ITGA5: variants seen among roughly 807,000 people sequenced by gnomAD.
ITGA5 encodes the protein integrin subunit alpha 5, also known as integrin alpha-5.
In ITGA5, 55 loss-of-function variants were observed where a neutral mutation model predicts 146.3. The observed-to-expected ratio is 0.38, with a 90% confidence interval of 0.30 to 0.47. The LOEUF (loss-of-function observed/expected upper bound fraction) is 0.47, where lower values mean the gene tolerates loss of function less well. Ranked by LOEUF, ITGA5 falls within the 20% of genes least tolerant of loss-of-function variation. The pLI is 0.99. For synonymous variants in ITGA5, 500 were observed against 531.8 expected, an observed-to-expected ratio of 0.94 and a Z score of 0.82; for missense variants, 1,131 against 1,329.0, an observed-to-expected ratio of 0.85 and a Z score of 2.32.
intron 11 of ITGA5, 114 bp downstream of exon 11, chr12:54,405,550 G>C: frequency 9.2e-7 from 1 of 1,089,768 alleles, no homozygotes; most frequent in South Asian, 1.4e-5. Flanking sequence ...AGGTATGAGC[G>C]AGAGTCTAGA....
At position 54,405,924 on chromosome 12, in the gene ITGA5, G is replaced by A. The variant is rs1198325403; in HGVS notation, c.909C>T (p.Val303=). 1.1e-5 allele frequency: 17 copies of A among 1,613,572 alleles called. No individual in the cohort carries two copies. In the Admixed American group the frequency reaches 1.2e-4, roughly 11 times the overall value. Residue 303 remains valine, a splice_region_variant and synonymous_variant, in exon 10 of 30, where the codon GTC becomes GTT. Coordinates refer to ENST00000293379, the MANE Select transcript of ITGA5 (RefSeq NM_002205.5). The part of the protein sequence containing the change: ...VPKGNLTYGY[V]TILNGSDIRS... ...GAATGTCTGAGCCATTAAGGATGGT[G>A]ACCTGGGAGATGAAGAGATAGGCCC... is the stretch of plus-strand genomic sequence containing the variant.
At chr12:54,410,645 C>T (rs1453738628) in intron 2 of ITGA5, among the ~76,000 whole-genome samples, 2 of 151,336 alleles carry the variant, frequency 1.3e-5, no homozygotes, top group South Asian at 2.1e-4. Flanking sequence ...GCTGCAGTGA[C>T]GGAGAATCAC....
chr12:54,396,519 T>A, intron 29 of ITGA5, 143 bp from the exon 30 acceptor site: 1 of 665,932 alleles, frequency 1.5e-6, no homozygotes, highest in Non-Finnish European at 2.7e-6. Context: ...AGGCTAGGAC[T>A]ACCCCTCTAA....
chr12:54,413,504 T>C (rs2120566578), intron 1 of ITGA5: 1 of 152,408 alleles, frequency 6.6e-6, no homozygotes, highest in East Asian at 1.9e-4. Context: ...GCTTCCTGTC[T>C]GTTTCCAACC....
chr12:54,408,154 A>C lies in ITGA5; in HGVS notation c.773T>G (p.Leu258Arg), dbSNP rs748317329. The C allele has an allele frequency of 1.2e-6, 2 of 1,614,194 alleles. No homozygotes were observed. The highest frequency in any genetic ancestry group is 2.2e-5 in the South Asian group (2 of 91,078). Residue 258 changes from leucine (L) to arginine (R), a missense_variant, in exon 7 of 30, where the codon CTG (leucine) becomes CGG (arginine). Coordinates refer to ENST00000293379, the MANE Select transcript of ITGA5 (RefSeq NM_002205.5). ...EYLINLVQGQ[L>R]QTRQASSIYD... ...GATGGAACTGGCCTGGCGAGTCTGC[A>C]GCTGCCCCTGAACCAGGTTGATCAG... is the stretch of plus-strand genomic sequence containing the variant.
intron 1 of ITGA5, among the ~76,000 whole-genome samples, chr12:54,415,228 T>C (rs931082532): frequency 6.6e-6 from 1 of 152,238 alleles, no homozygotes; most frequent in Non-Finnish European, 1.5e-5. Flanking sequence ...GCAGGTACAC[T>C]TTTCTGAAAT....
At chr12:54,411,069 C>T (rs1955938279) in intron 2 of ITGA5, among the ~76,000 whole-genome samples, 3 of 152,076 alleles carry the variant, frequency 2.0e-5, no homozygotes, top group African/African-American at 7.2e-5. Flanking sequence ...ACTATGTTGG[C>T]CAGGATGGTC....
Position 54,409,435 on chromosome 12 carries a change from C to T in ITGA5, c.462+50G>A, listed in dbSNP as rs1565643295. The T allele has an allele frequency of 1.2e-6, 2 of 1,610,560 alleles. No homozygotes were observed. The highest frequency in any genetic ancestry group is 1.3e-5 in the African/African-American group (1 of 74,896). Reference sequence around the variant, plus strand: ...TCCCTCCAGGCCCGGCCTTACCCAACCACTGCCCATCCCCTGGCCACCACA... The same window carrying T: ...TCCCTCCAGGCCCGGCCTTACCCAATCACTGCCCATCCCCTGGCCACCACA... On this transcript the variant is annotated intron_variant, in intron 3 of 29. Transcript: ENST00000293379. The surrounding 1 kb of genome is among the most constrained non-coding windows in gnomAD (Gnocchi z 4.7).
In ITGA5 at chr12:54,401,325, C is replaced by T; in HGVS notation, c.2493+48G>A. ...TCCAGCCATCTGTCACTCATATTAG[C>T]TCCTCCTTTCCCATCATTCATTCTG... On this transcript the variant is annotated intron_variant, in intron 24 of 29. Transcript: ENST00000293379. This position sits in a 1 kb window ranked among gnomAD's most constrained non-coding sequence, Gnocchi z 5.0. 3.0e-6 allele frequency: 4 copies of T among 1,336,596 alleles called. No individual in the cohort carries two copies. The highest frequency in any genetic ancestry group is 1.2e-5 in the South Asian group (1 of 85,370). The allele number at this position is 1,336,596 out of a possible 1,614,324, so 82.8% of individuals were successfully genotyped here.
At chr12:54,399,561 G>T in intron 27 of ITGA5, 84 bp downstream of exon 27, 1 of 929,168 alleles carries the variant, frequency 1.1e-6, no homozygotes, top group Non-Finnish European at 1.8e-6. Flanking sequence ...CAAAGGAGAG[G>T]TGGCTACTGC....
rs1414664682 is a variant in ITGA5, at chr12:54,408,267, G to A, written c.692-32C>T. 6 of 1,611,888 alleles carry A rather than the reference G, an allele frequency of 3.7e-6. No individual in the cohort carries two copies. The Admixed American group carries it at 5.0e-5, about 13-fold the overall frequency. ...AGAGTATGAAGAGGGAGTAGATGGA[G>A]AGGAAGTGGCAGAGGGGGCTTGGGA... is the stretch of plus-strand genomic sequence containing the variant. On this transcript the variant is annotated intron_variant, in intron 6 of 29. Coordinates refer to ENST00000293379, the MANE Select transcript of ITGA5 (RefSeq NM_002205.5).
rs1955785584 is a variant in ITGA5 at position 54,401,674 on chromosome 12, T to G, written c.2307-9A>C. The G allele has an allele frequency of 1.2e-6, 2 of 1,614,094 alleles. No individual in the cohort carries two copies. The highest frequency in any genetic ancestry group is 2.7e-5 in the African/African-American group (2 of 75,030). On this transcript the variant is annotated splice_polypyrimidine_tract_variant and intron_variant, in intron 22 of 29. Transcript: ENST00000293379. The surrounding 1 kb of genome is among the most constrained non-coding windows in gnomAD (Gnocchi z 5.0). Reference sequence around the variant, plus strand: ...AGTTGTTGAGATTCTTGCTGTGGGATGGAGGCAAGACTGAGGTGCTGGAGT... The same window carrying G: ...AGTTGTTGAGATTCTTGCTGTGGGAGGGAGGCAAGACTGAGGTGCTGGAGT...
intron 7 of ITGA5, 113 bp from the exon 8 acceptor site, chr12:54,407,989 A>G: frequency 1.3e-6 from 2 of 1,521,044 alleles, no homozygotes; most frequent in African/African-American, 1.4e-5. Flanking sequence ...CAGCAGGCAC[A>G]TGACAAGTAT....
chr12:54,403,197 A>G lies in ITGA5; in HGVS notation c.1904T>C (p.Ile635Thr). ...CTGCCCTGTCCTCACCTTGTCCTCT[A>G]TCCGGCTCTTGCTCTGATAATGTAG... ...PALHYQSKSR[I>T]EDKAQILLDC... The change falls in exon 18 of 30, where the codon ATA becomes ACA. Residue 635 changes from isoleucine to threonine, a missense_variant. Physicochemically the swap from Ile to Thr is moderately conservative, Grantham distance 89. This residue lies in a region of ITGA5 where 889 missense variants were observed against 1,021.5 expected (regional missense o/e 0.87). Transcript: ENST00000293379. The surrounding 1 kb of genome is among the most constrained non-coding windows in gnomAD (Gnocchi z 4.9). 6.4e-7 allele frequency: 1 copy of G among 1,559,598 alleles called. No individual in the cohort carries two copies. Among genetic ancestry groups the G allele is most frequent in the Non-Finnish European group, 8.7e-7 (1 of 1,154,144 alleles).
chr12:54,406,076 T>G, intron 9 of ITGA5, 150 bp from the exon 10 acceptor site: 1 of 690,826 alleles, frequency 1.4e-6, no homozygotes, highest in South Asian at 1.6e-5. Flanking sequence ...GCCCTCATAT[T>G]CCCACCTCTA....
Position 54,407,712 on chromosome 12 carries a change from T to G in ITGA5, c.863-20A>C, listed in dbSNP as rs903542167. 6 of 1,613,084 alleles carry G rather than the reference T, an allele frequency of 3.7e-6. No individual in the cohort carries two copies. The highest frequency in any genetic ancestry group is 5.1e-6 in the Non-Finnish European group (6 of 1,179,154). The stretch of plus-strand genomic sequence containing the variant: ...CAAAGTCTGCAAAGAGAAGAGAAAG[T>G]TGTGACCTAAGGGTGGGGAAAGGGA... On this transcript the variant is annotated intron_variant, in intron 8 of 29. Transcript: ENST00000293379.
intron 19 of ITGA5, among the ~76,000 whole-genome samples, chr12:54,402,638 T>A (rs993094579): frequency 6.6e-6 from 1 of 151,402 alleles, no homozygotes; most frequent in African/African-American, 2.4e-5. Flanking sequence ...AGGCGGAGGT[T>A]GCAGTGAGCC....
At chr12:54,417,978 C>T (rs1956028084) in intron 1 of ITGA5, among the ~76,000 whole-genome samples, 2 of 152,134 alleles carry the variant, frequency 1.3e-5, no homozygotes, top group African/African-American at 4.8e-5. Flanking sequence ...ACTCGGGGTC[C>T]GGGTCTGCTT....
intron 1 of ITGA5, among the ~76,000 whole-genome samples, chr12:54,413,668 C>T (rs1453979150): frequency 6.6e-6 from 1 of 152,164 alleles, no homozygotes; most frequent in Admixed American, 6.5e-5. Flanking sequence ...GGGGCAGCCC[C>T]CAGAGAACTT....
Sources: allele counts gnomAD v4.1 joint callset (sites outside exome capture counted in the v4.1 genomes callset), GRCh38; gene constraint gnomAD v4.1.1; regional missense constraint gnomAD v4.1.1; non-coding constraint Gnocchi (gnomAD v3.1); transcripts MANE v1.5; gene names NCBI Gene and HGNC (gene_info 2026-07-23, HGNC 2026-07-21).